HIPK3: variants seen among roughly 807,000 people sequenced by gnomAD.
The protein encoded by HIPK3 is homeodomain-interacting protein kinase 3.
A neutral mutation model predicts 124.2 loss-of-function variants in HIPK3; 47 were observed. That is an observed-to-expected ratio of 0.38 (90% CI 0.30 to 0.48). The LOEUF (loss-of-function observed/expected upper bound fraction) is 0.48, where lower values mean the gene tolerates loss of function less well. HIPK3 is among the 20% of genes least tolerant of loss of function. HIPK3 has a pLI of 0.98. For synonymous variants in HIPK3, 482 were observed against 515.2 expected, an observed-to-expected ratio of 0.94 and a Z score of 0.87; for missense variants, 1,286 against 1,454.3, an observed-to-expected ratio of 0.88 and a Z score of 1.88.
At chr11:33,314,677 A>G (rs1463514128) in intron 2 of HIPK3, among the ~76,000 whole-genome samples, 1 of 152,122 alleles carries the variant, frequency 6.6e-6, no homozygotes, top group East Asian at 1.9e-4. Flanking sequence ...CACAAAAACG[A>G]ATAAAGAAGC....
intron 1 of HIPK3, among the ~76,000 whole-genome samples, chr11:33,269,950 C>G (rs1419651243): frequency 6.6e-6 from 1 of 151,072 alleles, no homozygotes; most frequent in Non-Finnish European, 1.5e-5. Flanking sequence ...TTCTATTGCC[C>G]TGTGTGTGTG....
chr11:33,353,454 T>C lies in HIPK3; in HGVS notation c.3534T>C (p.Ile1178=). The C allele has an allele frequency of 6.2e-7, 1 of 1,613,804 alleles. No individual in the cohort carries two copies. The highest frequency in any genetic ancestry group is 2.2e-5 in the East Asian group (1 of 44,882). Residue 1178 remains isoleucine (I), a synonymous_variant, in exon 17 of 17, where the codon ATT becomes ATC. Transcript: ENST00000303296. The part of the protein sequence containing the change: ...LNPRLLPSPT[I]HQTQYKPIFP... Reference sequence around the variant, plus strand: ...CCCGTCTGTTACCATCCCCAACCATTCATCAGACTCAGTACAAACCAATCT... The same window carrying C: ...CCCGTCTGTTACCATCCCCAACCATCCATCAGACTCAGTACAAACCAATCT...
rs755886595 is a variant in HIPK3 at position 33,341,090 on chromosome 11, C to T, written c.1736C>T (p.Thr579Ile). 7.6e-5 allele frequency: 122 copies of T among 1,597,732 alleles called. No homozygotes were observed. Among genetic ancestry groups the T allele is most frequent in the Non-Finnish European group, 9.9e-5 (116 of 1,174,488 alleles). ...GCTTCAAGCAGTACTGCTACACTGA[C>T]TGCAAATTTTACTAAAATCGGAACA... ...PVASSSTATLTANFTKIGTLR... is the reference protein window; with the variant it reads ...PVASSSTATLIANFTKIGTLR... The change falls in exon 7 of 17, where the codon ACT becomes ATT. Residue 579 changes from threonine to isoleucine, a missense_variant. Around this residue, in one of 3 missense-constraint regions of HIPK3, gnomAD observed 810 missense variants for 864.9 expected, o/e 0.94. Transcript: ENST00000303296.
intron 8 of HIPK3, among the ~76,000 whole-genome samples, chr11:33,346,085 A>T (rs1415830850): frequency 1.3e-5 from 2 of 152,196 alleles, no homozygotes; most frequent in African/African-American, 4.8e-5. Context: ...GATTTTCATT[A>T]ATGTACTTTC....
rs763735454 is a variant in HIPK3 at position 33,351,706 on chromosome 11, T to C, written c.2906T>C (p.Phe969Ser). The stretch of plus-strand genomic sequence containing the variant: ...GACAGTCCATTTGCAGAGAGCACTT[T>C]TGTGGAGGACACTCATGAAAACACA... ...GHDSPFAESTFVEDTHENTEL... is the reference protein window; with the variant it reads ...GHDSPFAESTSVEDTHENTEL... The change falls in exon 15 of 17, where the codon TTT (phenylalanine) becomes TCT (serine). Residue 969 changes from phenylalanine (F) to serine (S), a missense_variant. By Grantham distance (155) the Phe-to-Ser change is radical (BLOSUM62 -2). Coordinates refer to ENST00000303296, the MANE Select transcript of HIPK3 (RefSeq NM_005734.5). 6.8e-6 allele frequency: 11 copies of C among 1,614,178 alleles called. No individual in the cohort carries two copies. The South Asian group carries it at 7.7e-5, about 11-fold the overall frequency.
chr11:33,306,373 G>A (rs1290138213), intron 2 of HIPK3, among the ~76,000 whole-genome samples: 2 of 152,026 alleles, frequency 1.3e-5, no homozygotes, highest in Admixed American at 1.3e-4. Context: ...AATTCATTGA[G>A]GGAATTTTTG....
intron 2 of HIPK3, among the ~76,000 whole-genome samples, chr11:33,315,115 A>G (rs1245548801): frequency 6.6e-6 from 1 of 152,210 alleles, no homozygotes; most frequent in Non-Finnish European, 1.5e-5. Context: ...TACCTCAGTT[A>G]CTGACATGTT....
Position 33,341,028 on chromosome 11 carries a change from A to T in HIPK3, c.1674A>T (p.Thr558=), listed in dbSNP as rs1365050834. The part of the protein sequence containing the change: ...ICKSHLNSCD[T]NNHNKTSLLR... ...AGTCCCACCTAAATTCATGTGACAC[A>T]AATAATCACAACAAAACTTCACTTT... is the stretch of plus-strand genomic sequence containing the variant. The change falls in exon 7 of 17, where the codon ACA becomes ACT. Residue 558 remains threonine (T), a synonymous_variant. Transcript: ENST00000303296. 2 of 1,609,404 alleles carry T rather than the reference A, an allele frequency of 1.2e-6. No homozygotes were observed. The highest frequency in any genetic ancestry group is 3.3e-5 in the Admixed American group (2 of 59,916).
intron 2 of HIPK3, among the ~76,000 whole-genome samples, chr11:33,297,518 G>C (rs1215046812): frequency 1.3e-5 from 2 of 152,194 alleles, no homozygotes; most frequent in East Asian, 3.8e-4. Flanking sequence ...AGGTGAGGAA[G>C]CTGCAGAAGA....
At chr11:33,286,152 A>G (rs1392425589) in intron 1 of HIPK3, among the ~76,000 whole-genome samples, 1 of 152,160 alleles carries the variant, frequency 6.6e-6, no homozygotes, top group African/African-American at 2.4e-5. Flanking sequence ...AATTAAATGC[A>G]CTTGATTCTT....
chr11:33,258,199 G>GGGGCGGGCCC, intron 1 of HIPK3: 1 of 636,596 alleles, frequency 1.6e-6, no homozygotes, highest in Non-Finnish European at 2.0e-6. Context: ...GGGCCCGGGG[G>GGGGCGGGCCC]CCTCGGCCCC....
Position 33,287,306 on chromosome 11 carries a change from G to C in HIPK3, c.892G>C (p.Val298Leu). 6.2e-7 allele frequency: 1 copy of C among 1,614,106 alleles called. No individual in the cohort carries two copies. Among genetic ancestry groups the C allele is most frequent in the Non-Finnish European group, 8.5e-7 (1 of 1,179,996 alleles). ...QNKFSPLPLK[V>L]IRPILQQVAT... ...TAAATTTAGTCCCCTGCCACTAAAA[G>C]TGATTCGGCCCATTCTTCAACAAGT... is the stretch of plus-strand genomic sequence containing the variant. Residue 298 changes from valine to leucine, a missense_variant, in exon 2 of 17, where the codon GTG becomes CTG. Coordinates refer to ENST00000303296, the MANE Select transcript of HIPK3 (RefSeq NM_005734.5).
chr11:33,334,132 A>G (rs1853068083), intron 3 of HIPK3, among the ~76,000 whole-genome samples: 1 of 152,226 alleles, frequency 6.6e-6, no homozygotes, highest in Non-Finnish European at 1.5e-5. Flanking sequence ...ACAAATGTGG[A>G]TAAAACAGAC....
chr11:33,276,548 T>A (rs1467853636), intron 1 of HIPK3, among the ~76,000 whole-genome samples: 1 of 152,170 alleles, frequency 6.6e-6, no homozygotes, highest in African/African-American at 2.4e-5. Context: ...ACGTGGCAAA[T>A]ATTTTAGGCT....
intron 6 of HIPK3, 51 bp downstream of exon 6, chr11:33,339,585 T>C (rs781024031): frequency 8.5e-6 from 11 of 1,291,960 alleles, no homozygotes; most frequent in Non-Finnish European, 1.2e-5. Flanking sequence ...AATAAGTCTG[T>C]AGAAAATGAC....
chr11:33,302,339 C>CTTTTTTTTTTTTTTT lies in HIPK3; in HGVS notation c.1097+14830_1097+14831insTTTTTTTTTTTTTTT, dbSNP rs374964013. On this transcript the variant is annotated intron_variant, in intron 2 of 16. Coordinates refer to ENST00000303296, the MANE Select transcript of HIPK3 (RefSeq NM_005734.5). ...TGAACTTCTCTATGATAATTCCTTA[C>CTTTTTTTTTTTTTTT]TTCTTTTTTTTTTTTTTGAGAAGGA... is the stretch of plus-strand genomic sequence containing the variant. Among the ~76,000 whole-genome samples the CTTTTTTTTTTTTTTT allele has an allele frequency of 1.6e-3, 193 of 121,160 alleles. 16 individuals are homozygous for CTTTTTTTTTTTTTTT. Among genetic ancestry groups the CTTTTTTTTTTTTTTT allele is most frequent in the Non-Finnish European group, 1.9e-3 (112 of 57,854 alleles). 79.5% of individuals were successfully genotyped at this position (121,160 alleles called of 152,430 possible). A position where few individuals can be genotyped will look rare whatever the true frequency, so the allele number is the denominator to read the frequency against.
chr11:33,267,809 TG>T (rs1195365746), intron 1 of HIPK3, among the ~76,000 whole-genome samples: 2 of 152,196 alleles, frequency 1.3e-5, no homozygotes, highest in East Asian at 3.8e-4. Context: ...ATATTATTTT[TG>T]TATTTCATTT....
intron 3 of HIPK3, among the ~76,000 whole-genome samples, chr11:33,336,048 T>C (rs1219072738): frequency 6.6e-6 from 1 of 151,964 alleles, no homozygotes; most frequent in Non-Finnish European, 1.5e-5. Flanking sequence ...AAATGGAAAG[T>C]AAATGCATAG....
intron 2 of HIPK3, among the ~76,000 whole-genome samples, chr11:33,290,268 C>T (rs781218073): frequency 1.3e-5 from 2 of 152,016 alleles, no homozygotes; most frequent in Non-Finnish European, 2.9e-5. Flanking sequence ...AGGGTAGTAG[C>T]TCTTGCTTAG....
Sources: allele counts gnomAD v4.1 joint callset (sites outside exome capture counted in the v4.1 genomes callset), GRCh38; gene constraint gnomAD v4.1.1; regional missense constraint gnomAD v4.1.1; transcripts MANE v1.5; gene names NCBI Gene and HGNC (gene_info 2026-07-23, HGNC 2026-07-21).